The following SLC24A2 variants were observed in gnomAD, a reference collection of about 807,000 sequenced individuals.
The protein encoded by SLC24A2 is solute carrier family 24 member 2, also known as sodium/potassium/calcium exchanger 2.
SLC24A2 carries 36 observed loss-of-function variants against 62.0 expected under a neutral mutation model. The ratio of observed to expected loss-of-function variants is 0.58; its 90% CI spans 0.44 to 0.77. SLC24A2 has a LOEUF of 0.77. SLC24A2 is among the 30% of genes least tolerant of loss of function. The pLI is 0.00. For synonymous variants in SLC24A2, 358 were observed against 294.0 expected, an observed-to-expected ratio of 1.22 and a Z score of -2.23; for missense variants, 846 against 817.9, an observed-to-expected ratio of 1.03 and a Z score of -0.42.
At chr9:19,737,857 T>G (rs913470885) in intron 2 of SLC24A2, among the ~76,000 whole-genome samples, 26 of 152,118 alleles carry the variant, frequency 1.7e-4, no homozygotes, top group African/African-American at 5.5e-4. Flanking sequence ...TTTTCAGTTC[T>G]AACATGGAAT....
chr9:19,970,643 A>T, the SLC24A2 span, among the ~76,000 whole-genome samples: 1 of 152,206 alleles, frequency 6.6e-6, no homozygotes, highest in Admixed American at 6.5e-5. Context: ...ATACCATGGG[A>T]TGAAGACTGG....
At chr9:19,570,843 C>T (rs781598581) in intron 7 of SLC24A2, among the ~76,000 whole-genome samples, 19 of 152,126 alleles carry the variant, frequency 1.2e-4, no homozygotes, top group Non-Finnish European at 1.5e-5. Context: ...GCCATGGTGA[C>T]CTGCAGGCCC....
In SLC24A2 at chr9:19,508,421, C is replaced by G. The variant is rs1832588941; in HGVS notation, c.*7732G>C. 6.6e-6 allele frequency: 1 copy of G among 152,108 alleles called. No homozygotes were observed. Among genetic ancestry groups the G allele is most frequent in the Admixed American group, 6.5e-5 (1 of 15,268 alleles). 9.4% of individuals were successfully genotyped at this position (152,108 alleles called of 1,614,324 possible). On this transcript the variant is annotated 3_prime_UTR_variant, in exon 11 of 11. Coordinates refer to ENST00000341998, the MANE Select transcript of SLC24A2 (RefSeq NM_020344.4). ...GTCCAGTTTAGTACCCATGTTTACT[C>G]TATATGGACAATTTAGGTACCCAGT...
In SLC24A2 at chr9:19,546,625, G is replaced by A. The variant is rs534371415; in HGVS notation, c.1479+3512C>T. Among the ~76,000 whole-genome samples the A allele has an allele frequency of 7.9e-5, 12 of 152,218 alleles. No individual in the cohort carries two copies. The South Asian group carries it at 8.3e-4, about 11-fold the overall frequency. On this transcript the variant is annotated intron_variant, in intron 8 of 10. Coordinates refer to ENST00000341998, the MANE Select transcript of SLC24A2 (RefSeq NM_020344.4). The stretch of plus-strand genomic sequence containing the variant: ...TGTGGATCTTAGCTTGCTGGACTCC[G>A]TGGGGGTTGGACCCACCAAGCCAGA...
chr9:20,008,343 T>C, the SLC24A2 span, among the ~76,000 whole-genome samples: 1 of 152,132 alleles, frequency 6.6e-6, no homozygotes, highest in East Asian at 1.9e-4. Flanking sequence ...AGAGGTGTCT[T>C]TGGACTCACT....
At chr9:19,730,971 C>T (rs2085006250) in intron 2 of SLC24A2, among the ~76,000 whole-genome samples, 1 of 151,970 alleles carries the variant, frequency 6.6e-6, no homozygotes, top group Non-Finnish European at 1.5e-5. Context: ...AACTGTCACA[C>T]TTTTCAGTTC....
intron 2 of SLC24A2, among the ~76,000 whole-genome samples, chr9:19,725,632 G>A (rs1821147656): frequency 6.6e-6 from 1 of 152,108 alleles, no homozygotes; most frequent in African/African-American, 2.4e-5. Flanking sequence ...AAGGAAATAT[G>A]TGCAAGAATA....
chr9:19,573,529 C>CACACACAGAGAGAGAG (rs1390433234), intron 6 of SLC24A2, 60 bp from the exon 7 acceptor site: 4 of 432,712 alleles, frequency 9.2e-6, no homozygotes, highest in Admixed American at 6.8e-5. Flanking sequence ...CACACACACA[C>CACACACAGAGAGAGAG]AGAGAGAGAG....
chr9:19,883,703 C>T, the SLC24A2 span, among the ~76,000 whole-genome samples: 1 of 152,108 alleles, frequency 6.6e-6, no homozygotes, highest in African/African-American at 2.4e-5. Context: ...GTAGCTGGGA[C>T]TACAGGTGCC....
the SLC24A2 span, among the ~76,000 whole-genome samples, chr9:19,796,086 A>G: frequency 3.0e-5 from 4 of 134,378 alleles, no homozygotes; most frequent in East Asian, 9.6e-4. Context: ...ACACATGGAC[A>G]CAGGAAGGGG....
At chr9:20,101,610 C>A in the SLC24A2 span, among the ~76,000 whole-genome samples, 2 of 152,160 alleles carry the variant, frequency 1.3e-5, no homozygotes, top group Non-Finnish European at 2.9e-5. Context: ...CTGGGGTGGG[C>A]AAATTTACAA....
rs911593582 is a variant in SLC24A2, at chr9:19,570,791, C to A, written c.1347+2560G>T. On this transcript the variant is annotated intron_variant, in intron 7 of 10. Coordinates refer to ENST00000341998, the MANE Select transcript of SLC24A2 (RefSeq NM_020344.4). ...GCTCAGGGAAGCTAGGTAACTTGAC[C>A]CTGGTGGATCTAGAATTCACTACCA... is the stretch of plus-strand genomic sequence containing the variant. Among the ~76,000 whole-genome samples, 3 of 152,278 alleles carry A rather than the reference C, an allele frequency of 2.0e-5. No individual in the cohort carries two copies. The East Asian group carries it at 5.8e-4, about 29-fold the overall frequency.
At chr9:19,974,176 C>T in the SLC24A2 span, among the ~76,000 whole-genome samples, 3 of 152,098 alleles carry the variant, frequency 2.0e-5, no homozygotes, top group Admixed American at 2.0e-4. Context: ...GAGAATGCCA[C>T]TCTATAGAAT....
the SLC24A2 span, among the ~76,000 whole-genome samples, chr9:20,083,805 T>A: frequency 2.6e-5 from 4 of 152,234 alleles, no homozygotes; most frequent in African/African-American, 9.6e-5. Flanking sequence ...TAAATTGGCA[T>A]ATGCTAATGC....
intron 5 of SLC24A2, among the ~76,000 whole-genome samples, chr9:19,592,471 T>TACCG (rs1187310063): frequency 9.9e-5 from 10 of 100,880 alleles, no homozygotes; most frequent in African/African-American, 3.9e-4. Flanking sequence ...TTGGGATATC[T>TACCG]ACCGACCTAC....
intron 2 of SLC24A2, among the ~76,000 whole-genome samples, chr9:19,731,224 G>C (rs989113128): frequency 1.3e-5 from 2 of 152,128 alleles, no homozygotes; most frequent in Non-Finnish European, 2.9e-5. Flanking sequence ...TTTGAATCCT[G>C]TCTCTGTCAT....
At chr9:20,089,738 T>A in the SLC24A2 span, among the ~76,000 whole-genome samples, 1 of 144,918 alleles carries the variant, frequency 6.9e-6, no homozygotes, top group African/African-American at 2.6e-5. Context: ...CCTGCTACCT[T>A]TGGCCTGAGG....
At chr9:19,769,327 C>T (rs761682776) in intron 2 of SLC24A2, among the ~76,000 whole-genome samples, 1 of 152,212 alleles carries the variant, frequency 6.6e-6, no homozygotes, top group Non-Finnish European at 1.5e-5. Flanking sequence ...CTGCTGCCAC[C>T]ACCTGGGCCA....
At chr9:19,895,207 C>T in the SLC24A2 span, among the ~76,000 whole-genome samples, 34 of 151,808 alleles carry the variant, frequency 2.2e-4, no homozygotes, top group Middle Eastern at 3.2e-3. Context: ...AGGAAATCAG[C>T]AGCTTAACCA....
Sources: gnomAD v4.1 joint callset for allele counts (sites outside exome capture counted in the v4.1 genomes callset) on GRCh38, gnomAD v4.1.1 for gene constraint, MANE v1.5 for transcripts, NCBI Gene and HGNC (gene_info 2026-07-23, HGNC 2026-07-21) for gene names.